ATF3: variants seen among roughly 807,000 people sequenced by gnomAD.
The protein encoded by ATF3 is cyclic AMP-dependent transcription factor ATF-3.
A neutral mutation model predicts 18.4 loss-of-function variants in ATF3; 10 were observed. That is an observed-to-expected ratio of 0.54 (90% CI 0.34 to 0.92). ATF3 has a LOEUF of 0.92. Ranked by LOEUF, ATF3 falls within the 40% of genes least tolerant of loss-of-function variation. The pLI is 0.02. For missense variants in ATF3, 183 were observed against 222.3 expected (o/e 0.82, Z 1.12); for synonymous variants, 78 against 87.9 (o/e 0.89, Z 0.63).
chr1:212,568,779 C>T (rs1371266829), intron 1 of ATF3, among the ~76,000 whole-genome samples: 1 of 152,140 alleles, frequency 6.6e-6, no homozygotes, highest in Non-Finnish European at 1.5e-5. Context: ...TAAACCTCCA[C>T]TGCTCTCTTT....
At chr1:212,598,533 G>A (rs949560514) in intron 1 of ATF3, among the ~76,000 whole-genome samples, 2 of 152,102 alleles carry the variant, frequency 1.3e-5, no homozygotes, top group East Asian at 1.9e-4. Context: ...GTCACCTTGC[G>A]GTGCTATCAA....
chr1:212,581,223 C>T (rs546749359), intron 1 of ATF3, among the ~76,000 whole-genome samples: 1 of 152,174 alleles, frequency 6.6e-6, no homozygotes, highest in Non-Finnish European at 1.5e-5. Flanking sequence ...CTGGCGCGTG[C>T]GCAGGTCTGC....
chr1:212,574,229 A>G (rs759563608), intron 1 of ATF3, among the ~76,000 whole-genome samples: 5 of 151,830 alleles, frequency 3.3e-5, no homozygotes, highest in Non-Finnish European at 7.4e-5. Context: ...TTTTCTTAGT[A>G]CAATATTTCA....
upstream of ATF3, chr1:212,608,590 C>T (rs1193771130): frequency 2.0e-5 from 3 of 152,956 alleles, no homozygotes; most frequent in Non-Finnish European, 1.5e-5. Context: ...CTCCACCCGC[C>T]TTCGGCCCCG....
chr1:212,605,264 C>G (rs1353067299), upstream of ATF3, among the ~76,000 whole-genome samples: 2 of 152,338 alleles, frequency 1.3e-5, no homozygotes, highest in Non-Finnish European at 2.9e-5. Context: ...CAAGTGCCTT[C>G]CACACTTTGG....
chr1:212,568,249 T>G (rs908196584), intron 1 of ATF3, among the ~76,000 whole-genome samples: 1 of 152,228 alleles, frequency 6.6e-6, no homozygotes, highest in African/African-American at 2.4e-5. Flanking sequence ...ATACATTCAC[T>G]TATACATAAG....
upstream of ATF3, among the ~76,000 whole-genome samples, chr1:212,607,857 CTT>C (rs777849782): frequency 2.0e-5 from 3 of 151,988 alleles, no homozygotes; most frequent in Non-Finnish European, 2.9e-5. Context: ...TTTTCACGCT[CTT>C]GTTGGTTTCA....
At chr1:212,579,758 A>G (rs1039989434) in intron 1 of ATF3, among the ~76,000 whole-genome samples, 1 of 152,172 alleles carries the variant, frequency 6.6e-6, no homozygotes, top group Non-Finnish European at 1.5e-5. Flanking sequence ...TCCAGATGTG[A>G]TGGCTGCTTC....
rs757665110 is a variant in ATF3, at chr1:212,619,547, C to T, written c.538C>T (p.Gln180Ter). The stretch of plus-strand genomic sequence containing the variant: ...CCAACAGATAAAAGAAGGAACATTG[C>T]AGAGCTAAGCAGTCGTGGTATGGGG... ...FIQQIKEGTL[Q>*]S Residue 180 changes from glutamine (Q) to a stop codon, truncating the protein, a stop_gained, in exon 4 of 4, where the codon CAG (glutamine) becomes TAG (stop). Coordinates refer to ENST00000341491, the MANE Select transcript of ATF3 (RefSeq NM_001674.4). LOFTEE classifies it high-confidence loss of function. The surrounding 1 kb of genome is among the most constrained non-coding windows in gnomAD (Gnocchi z 4.4). 1.2e-6 allele frequency: 2 copies of T among 1,614,056 alleles called. No homozygotes were observed. The highest frequency in any genetic ancestry group is 1.7e-5 in the Admixed American group (1 of 60,000).
In ATF3 at chr1:212,615,181, C is replaced by T. The variant is rs771660032; in HGVS notation, c.160C>T (p.Leu54Phe). 71 of 1,614,080 alleles carry T rather than the reference C, an allele frequency of 4.4e-5. No individual in the cohort carries two copies. The highest frequency in any genetic ancestry group is 2.7e-4 in the Admixed American group (16 of 60,004). The change falls in exon 2 of 4, where the codon CTC becomes TTC. Residue 54 changes from leucine to phenylalanine, a missense_variant. Coordinates refer to ENST00000341491, the MANE Select transcript of ATF3 (RefSeq NM_001674.4). ...ELRFAIQNKH[L>F]CHRMSSALES... ...GAGGTTTGCCATCCAGAACAAGCAC[C>T]TCTGCCACCGGATGTCCTCTGCGCT...
intron 1 of ATF3, among the ~76,000 whole-genome samples, chr1:212,566,134 G>T (rs1664377953): frequency 6.6e-6 from 1 of 152,192 alleles, no homozygotes; most frequent in Non-Finnish European, 1.5e-5. Flanking sequence ...GTGAGGGTCA[G>T]GAGATCTTGT....
chr1:212,578,802 G>A (rs896135429), intron 1 of ATF3, among the ~76,000 whole-genome samples: 3 of 151,866 alleles, frequency 2.0e-5, no homozygotes, highest in South Asian at 2.1e-4. Flanking sequence ...CTCCACTATT[G>A]CAGTGGTCCA....
At chr1:212,592,838 T>C (rs190426074) in intron 1 of ATF3, among the ~76,000 whole-genome samples, 26 of 152,240 alleles carry the variant, frequency 1.7e-4, no homozygotes, top group African/African-American at 5.3e-4. Flanking sequence ...ATACATCCAT[T>C]GATAACATGG....
Position 212,577,481 on chromosome 1 carries a change from A to G in ATF3, c.-5+11998A>G, listed in dbSNP as rs533052980. 2.5e-4 allele frequency among the ~76,000 whole-genome samples: 38 copies of G among 152,282 alleles called. No individual in the cohort carries two copies. In the Middle Eastern group the frequency reaches 0.01, roughly 41 times the overall value. ...TATATTGTTATTAACTATAGTCACTATGTGGTACAGTAGATCTCAAACTTA... is the reference window on the plus strand; with the variant it reads ...TATATTGTTATTAACTATAGTCACTGTGTGGTACAGTAGATCTCAAACTTA... On this transcript the variant is annotated intron_variant, in intron 1 of 3. Coordinates refer to the ATF3 transcript ENST00000366981.
intron 1 of ATF3, among the ~76,000 whole-genome samples, chr1:212,600,542 G>C (rs532740357): frequency 4.9e-4 from 75 of 152,236 alleles, no homozygotes; most frequent in Non-Finnish European, 9.3e-4. Flanking sequence ...GATGAGCAGG[G>C]CACAGCCCCT....
At chr1:212,591,533 C>T (rs1391558991) in intron 1 of ATF3, among the ~76,000 whole-genome samples, 1 of 152,170 alleles carries the variant, frequency 6.6e-6, no homozygotes, top group Admixed American at 6.5e-5. Flanking sequence ...GGGGAATGCT[C>T]TCCATCCCCC....
In ATF3 at chr1:212,619,384, T is replaced by G; in HGVS notation, c.375T>G (p.Asn125Lys). 6.2e-7 allele frequency: 1 copy of G among 1,613,782 alleles called. No homozygotes were observed. ...AGTCGGAGAAGCTGGAAAGTGTGAA[T>G]GCTGAACTGAAGGCTCAGATTGAGG... ...QKESEKLESV[N>K]AELKAQIEEL... The change falls in exon 4 of 4, where the codon AAT (asparagine) becomes AAG (lysine). Residue 125 changes from asparagine to lysine, a missense_variant. Coordinates refer to ENST00000341491, the MANE Select transcript of ATF3 (RefSeq NM_001674.4). This position sits in a 1 kb window ranked among gnomAD's most constrained non-coding sequence, Gnocchi z 4.4.
intron 1 of ATF3, among the ~76,000 whole-genome samples, chr1:212,573,867 G>A (rs1664525469): frequency 6.6e-6 from 1 of 151,278 alleles, no homozygotes; most frequent in African/African-American, 2.4e-5. Context: ...GCAAAGTATT[G>A]TCTTATATTT....
chr1:212,572,746 G>C (rs1012277025), intron 1 of ATF3, among the ~76,000 whole-genome samples: 4 of 152,058 alleles, frequency 2.6e-5, no homozygotes, highest in African/African-American at 9.7e-5. Context: ...TTTCATACGG[G>C]TCCTTCGCAT....
Sources: gnomAD v4.1 joint callset for allele counts (sites outside exome capture counted in the v4.1 genomes callset) on GRCh38, gnomAD v4.1.1 for gene constraint, Gnocchi (gnomAD v3.1) non-coding constraint, MANE v1.5 for transcripts, NCBI Gene and HGNC (gene_info 2026-07-23, HGNC 2026-07-21) for gene names.